CDH13: variants seen among roughly 807,000 people sequenced by gnomAD.
The protein encoded by CDH13 is cadherin 13, also known as cadherin-13.
Under a neutral mutation model 63.8 loss-of-function variants are expected in CDH13, and 24 were observed. The ratio of observed to expected loss-of-function variants is 0.38; its 90% confidence interval spans 0.27 to 0.53. The LOEUF is 0.53. CDH13 is among the 20% of genes least tolerant of loss of function. The probability of loss-of-function intolerance (pLI) is 0.85; values close to 1 mark genes in which losing one functional copy is unlikely to be tolerated. For synonymous variants in CDH13, 503 were observed against 355.3 expected (o/e 1.42, Z -4.67); for missense variants, 1,049 against 903.1 (o/e 1.16, Z -2.07).
intron 7 of CDH13, among the ~76,000 whole-genome samples, chr16:83,557,995 TG>T (rs2075635671): frequency 6.6e-6 from 1 of 152,070 alleles, no homozygotes; most frequent in African/African-American, 2.4e-5. Flanking sequence ...TGCTGAGACC[TG>T]GGGGGCATTG....
intron 11 of CDH13, among the ~76,000 whole-genome samples, chr16:83,767,076 C>T (rs1914440274): frequency 6.6e-6 from 1 of 152,186 alleles, no homozygotes; most frequent in Admixed American, 6.5e-5. Flanking sequence ...AGAATGGACT[C>T]ATATACCATC....
intron 5 of CDH13, among the ~76,000 whole-genome samples, chr16:83,296,042 C>G (rs1270568350): frequency 6.6e-6 from 1 of 152,160 alleles, no homozygotes; most frequent in African/African-American, 2.4e-5. Context: ...AATGAAATCT[C>G]TGTGTTGCAG....
intron 8 of CDH13, among the ~76,000 whole-genome samples, chr16:83,606,490 C>T (rs1019593285): frequency 6.6e-6 from 1 of 152,060 alleles, no homozygotes; most frequent in Non-Finnish European, 1.5e-5. Flanking sequence ...GTAATCCCAA[C>T]ACTTTGGGTG....
chr16:83,117,811 C>G (rs555880681), intron 3 of CDH13, among the ~76,000 whole-genome samples: 4 of 141,998 alleles, frequency 2.8e-5, no homozygotes, highest in African/African-American at 1.0e-4. Context: ...CTCACTGTTT[C>G]AGGGGTCTCC....
chr16:83,550,843 G>A (rs1207365952), intron 7 of CDH13, among the ~76,000 whole-genome samples: 1 of 152,058 alleles, frequency 6.6e-6, no homozygotes, highest in African/African-American at 2.4e-5. Context: ...CTTTTTCACT[G>A]ACAGTAAGCC....
chr16:83,580,622 G>A (rs1905501523), intron 7 of CDH13, among the ~76,000 whole-genome samples: 1 of 151,894 alleles, frequency 6.6e-6, no homozygotes, highest in Non-Finnish European at 1.5e-5. Flanking sequence ...AGCCTTCCAA[G>A]TAGCTGAGAC....
At chr16:83,133,108 T>G (rs1175386565) in intron 4 of CDH13, among the ~76,000 whole-genome samples, 1 of 152,184 alleles carries the variant, frequency 6.6e-6, no homozygotes, top group Non-Finnish European at 1.5e-5. Context: ...AGTTATAAAG[T>G]CTTTACTAAT....
chr16:83,036,824 G>T (rs960529687), intron 3 of CDH13, among the ~76,000 whole-genome samples: 5 of 152,088 alleles, frequency 3.3e-5, no homozygotes, highest in African/African-American at 1.2e-4. Context: ...AGATGATTTG[G>T]CTCCACCTCA....
chr16:83,143,093 A>C (rs2036605357), intron 4 of CDH13, among the ~76,000 whole-genome samples: 1 of 152,196 alleles, frequency 6.6e-6, no homozygotes, highest in Non-Finnish European at 1.5e-5. Context: ...AACAAGAGTG[A>C]AACTCCACCT....
chr16:82,833,351 T>C (rs540425273), intron 1 of CDH13, among the ~76,000 whole-genome samples: 5 of 152,318 alleles, frequency 3.3e-5, no homozygotes, highest in African/African-American at 1.2e-4. Flanking sequence ...ACTTCAGCTC[T>C]TATGGAAAAG....
At chr16:82,961,863 A>C (rs569162119) in intron 2 of CDH13, among the ~76,000 whole-genome samples, 139 of 152,288 alleles carry the variant, frequency 9.1e-4, no homozygotes, top group Non-Finnish European at 1.6e-3. Flanking sequence ...TAGTGGGTAG[A>C]GGTCAGTGAT....
chr16:83,716,778 G>A (rs776851936), intron 10 of CDH13, among the ~76,000 whole-genome samples: 9 of 151,982 alleles, frequency 5.9e-5, no homozygotes, highest in South Asian at 2.1e-4. Flanking sequence ...CACCGCACCC[G>A]CCCTGGCCTC....
At chr16:82,903,284 C>T (rs1219387055) in intron 2 of CDH13, among the ~76,000 whole-genome samples, 1 of 152,180 alleles carries the variant, frequency 6.6e-6, no homozygotes, top group African/African-American at 2.4e-5. Flanking sequence ...GCATGGCAAC[C>T]CTATTGAATC....
intron 10 of CDH13, among the ~76,000 whole-genome samples, chr16:83,712,377 G>A (rs1048393663): frequency 6.6e-6 from 1 of 152,196 alleles, no homozygotes; most frequent in African/African-American, 2.4e-5. Flanking sequence ...CTTTAGCATT[G>A]AAAACAGGAT....
intron 11 of CDH13, among the ~76,000 whole-genome samples, chr16:83,751,741 C>T (rs1388282515): frequency 6.6e-6 from 1 of 152,182 alleles, no homozygotes; most frequent in African/African-American, 2.4e-5. Flanking sequence ...AGAAACAAAT[C>T]TTTGTCAAGA....
At chr16:83,367,049 A>G (rs953805660) in intron 6 of CDH13, among the ~76,000 whole-genome samples, 36 of 152,222 alleles carry the variant, frequency 2.4e-4, no homozygotes, top group African/African-American at 8.2e-4. Context: ...AAGTTACACA[A>G]TCATCGCCAC....
intron 11 of CDH13, among the ~76,000 whole-genome samples, chr16:83,753,949 A>G (rs968912724): frequency 2.7e-5 from 3 of 111,924 alleles, no homozygotes; most frequent in African/African-American, 4.8e-5. Flanking sequence ...CAAAAAGAAA[A>G]CCTTTTTTTT....
At chr16:82,714,029 C>A (rs1390760202) in intron 1 of CDH13, among the ~76,000 whole-genome samples, 1 of 152,072 alleles carries the variant, frequency 6.6e-6, no homozygotes, top group African/African-American at 2.4e-5. Context: ...ACACTCCTGA[C>A]CTCAGGTGAT....
At position 83,489,214 on chromosome 16, in the gene CDH13, T is replaced by C. The variant is rs950278537; in HGVS notation, c.960+2559T>C. 2.6e-5 allele frequency among the ~76,000 whole-genome samples: 4 copies of C among 152,300 alleles called. No homozygotes were observed. The South Asian group carries it at 8.3e-4, about 32-fold the overall frequency. The stretch of plus-strand genomic sequence containing the variant: ...GTAGTAAATTATCCCATTTTTAAAG[T>C]TTATTTTAGGGGACAAATGTGTTTC... On this transcript the variant is annotated intron_variant, in intron 7 of 13. Coordinates refer to ENST00000567109, the MANE Select transcript of CDH13 (RefSeq NM_001257.5).
Sources: allele counts gnomAD v4.1 joint callset (sites outside exome capture counted in the v4.1 genomes callset), GRCh38; gene constraint gnomAD v4.1.1; transcripts MANE v1.5; gene names NCBI Gene and HGNC (gene_info 2026-07-23, HGNC 2026-07-21).